UNC13C: variants seen among roughly 807,000 people sequenced by gnomAD.
The protein encoded by UNC13C is protein unc-13 homolog C.
Under a neutral mutation model 245.4 loss-of-function variants are expected in UNC13C, and 174 were observed. That is an observed-to-expected ratio of 0.71 (90% CI 0.63 to 0.80). The LOEUF (loss-of-function observed/expected upper bound fraction) is 0.80. UNC13C is among the 30% of genes least tolerant of loss of function. The pLI is 0.00. For missense variants in UNC13C, 2,829 were observed against 2,602.9 expected (o/e 1.09, Z -1.89); for synonymous variants, 992 against 895.1 (o/e 1.11, Z -1.93).
chr15:54,571,475 T>C (rs1225877421), intron 30 of UNC13C, among the ~76,000 whole-genome samples: 1 of 152,180 alleles, frequency 6.6e-6, no homozygotes, highest in African/African-American at 2.4e-5. Context: ...CCAGATGAGA[T>C]TTGGGTGGGG....
intron 4 of UNC13C, among the ~76,000 whole-genome samples, chr15:54,154,959 A>G (rs1286740151): frequency 2.0e-5 from 3 of 152,232 alleles, no homozygotes; most frequent in African/African-American, 4.8e-5. Flanking sequence ...AGACTTTTAA[A>G]TAAATTAGGT....
chr15:54,577,204 C>CT (rs71105820), intron 30 of UNC13C, among the ~76,000 whole-genome samples: 69,294 of 151,716 alleles, frequency 0.46, 15,979 homozygotes, highest in East Asian at 0.58. Flanking sequence ...AAAAAGACTA[C>CT]TTTTTTTTGG....
At chr15:53,841,309 T>G in the UNC13C span, among the ~76,000 whole-genome samples, 1 of 152,108 alleles carries the variant, frequency 6.6e-6, no homozygotes, top group Non-Finnish European at 1.5e-5. Context: ...CCCCCCTACC[T>G]TTGCCATCTC....
At chr15:54,083,635 T>C (rs1899076710) in intron 2 of UNC13C, among the ~76,000 whole-genome samples, 1 of 152,178 alleles carries the variant, frequency 6.6e-6, no homozygotes, top group Admixed American at 6.5e-5. Flanking sequence ...CTTCCAGAGA[T>C]TGGTGATGCG....
the UNC13C span, among the ~76,000 whole-genome samples, chr15:53,863,503 C>T: frequency 1.3e-5 from 2 of 152,158 alleles, no homozygotes; most frequent in South Asian, 2.1e-4. Context: ...TATTGTTATA[C>T]AGGCACAACA....
chr15:54,021,671 A>T (rs1287301378), intron 2 of UNC13C, among the ~76,000 whole-genome samples: 1 of 152,214 alleles, frequency 6.6e-6, no homozygotes, highest in Non-Finnish European at 1.5e-5. Flanking sequence ...ATCTCTTTGA[A>T]ATATCAGTCT....
intron 2 of UNC13C, among the ~76,000 whole-genome samples, chr15:54,066,254 T>C (rs1220964155): frequency 6.6e-6 from 1 of 152,190 alleles, no homozygotes; most frequent in Non-Finnish European, 1.5e-5. Flanking sequence ...TCCTGTCTTC[T>C]AGCATGATGG....
chr15:54,362,928 A>T (rs1255007165), intron 17 of UNC13C, among the ~76,000 whole-genome samples: 2 of 152,142 alleles, frequency 1.3e-5, no homozygotes, highest in African/African-American at 4.8e-5. Flanking sequence ...AGTGGGAAGG[A>T]TGTGTTAGGG....
chr15:54,488,603 A>T (rs1345395291), intron 19 of UNC13C, among the ~76,000 whole-genome samples: 1 of 152,270 alleles, frequency 6.6e-6, no homozygotes, highest in African/African-American at 2.4e-5. Flanking sequence ...TACAGAAAAA[A>T]ACTCATGAAT....
chr15:54,248,498 C>G (rs1192096413), intron 7 of UNC13C, among the ~76,000 whole-genome samples: 4 of 152,170 alleles, frequency 2.6e-5, no homozygotes, highest in Non-Finnish European at 5.9e-5. Context: ...TTCTAATTCT[C>G]AAAGAACTCT....
At chr15:53,941,352 A>G in the UNC13C span, among the ~76,000 whole-genome samples, 1 of 152,200 alleles carries the variant, frequency 6.6e-6, no homozygotes, top group Admixed American at 6.5e-5. Context: ...CATAGAAGAA[A>G]ATCTAGGTAA....
chr15:54,302,334 C>T (rs1285131764), intron 13 of UNC13C, among the ~76,000 whole-genome samples: 2 of 152,096 alleles, frequency 1.3e-5, no homozygotes, highest in African/African-American at 4.8e-5. Context: ...GTTGCCACTG[C>T]TTTTGCTGTT....
chr15:54,507,344 T>C, intron 23 of UNC13C, 150 bp downstream of exon 23: 1 of 593,956 alleles, frequency 1.7e-6, no homozygotes, highest in Admixed American at 3.1e-5. Context: ...TTCTCCAGGG[T>C]TCTTGAACTG....
intron 2 of UNC13C, 147 bp from the exon 3 acceptor site, chr15:54,142,871 T>A (rs773755321): frequency 1.2e-5 from 8 of 665,176 alleles, no homozygotes; most frequent in Non-Finnish European, 1.6e-5. Context: ...ACTATCCTTG[T>A]ACCCTTGGGC....
chr15:54,223,527 A>C (rs1201324474), intron 4 of UNC13C, among the ~76,000 whole-genome samples: 1 of 151,634 alleles, frequency 6.6e-6, no homozygotes, highest in Non-Finnish European at 1.5e-5. Flanking sequence ...AGATAAGGTG[A>C]TTCTTTAAGT....
rs2030841875 is a variant in UNC13C, at chr15:54,123,753, G to GT, written c.2984-19264dup. Among the ~76,000 whole-genome samples, 4 of 152,042 alleles carry GT rather than the reference G, an allele frequency of 2.6e-5. No homozygotes were observed. In the South Asian group the frequency reaches 8.3e-4, roughly 31 times the overall value. ...ATGGTTCTACGTCATTTTATCACAC[G>GT]TGTAAATTGTATAAGCACCATTGCA... On this transcript the variant is annotated intron_variant, in intron 2 of 32. Transcript: ENST00000260323.
At chr15:54,488,142 T>A (rs532219553) in intron 19 of UNC13C, among the ~76,000 whole-genome samples, 1 of 152,322 alleles carries the variant, frequency 6.6e-6, no homozygotes, top group South Asian at 2.1e-4. Context: ...AAAGAACTCA[T>A]GATCCCATCT....
At chr15:54,451,486 C>A (rs1386100140) in intron 19 of UNC13C, among the ~76,000 whole-genome samples, 1 of 151,962 alleles carries the variant, frequency 6.6e-6, no homozygotes, top group Non-Finnish European at 1.5e-5. Context: ...AATTGTCTGA[C>A]TGGATTATTT....
chr15:54,431,724 G>A (rs2040877597), intron 19 of UNC13C, among the ~76,000 whole-genome samples: 1 of 151,604 alleles, frequency 6.6e-6, no homozygotes, highest in African/African-American at 2.4e-5. Context: ...TGTGCAATAA[G>A]CACAAGCTCA....
Sources: gnomAD v4.1 joint callset for allele counts (sites outside exome capture counted in the v4.1 genomes callset) on GRCh38, gnomAD v4.1.1 for gene constraint, MANE v1.5 for transcripts, NCBI Gene and HGNC (gene_info 2026-07-23, HGNC 2026-07-21) for gene names.